The following USP3 variants were observed in gnomAD, a reference collection of about 807,000 sequenced individuals.
The protein encoded by USP3 is ubiquitin carboxyl-terminal hydrolase 3.
USP3 carries 20 observed loss-of-function variants against 72.3 expected under a neutral mutation model. That is an observed-to-expected ratio of 0.28 (90% CI 0.19 to 0.40). The LOEUF (loss-of-function observed/expected upper bound fraction) is 0.40. Ranked by LOEUF, USP3 falls within the 10% of genes least tolerant of loss-of-function variation. USP3 has a pLI of 1.00. For synonymous variants in USP3, 222 were observed against 225.3 expected, an observed-to-expected ratio of 0.99 and a Z score of 0.13; for missense variants, 479 against 633.9, an observed-to-expected ratio of 0.76 and a Z score of 2.62.
Position 63,544,868 on chromosome 15 carries a change from A to G in USP3, c.284+7712A>G, listed in dbSNP as rs1007555564. On this transcript the variant is annotated intron_variant, in intron 3 of 14. Transcript: ENST00000380324. The surrounding 1 kb of genome is among the most constrained non-coding windows in gnomAD (Gnocchi z 4.2). ...AAGGCTGACATTGTGGGGACCATCA[A>G]ATACTATACTTAGTTCAGTTACAGA... The G allele has an allele frequency of 2.2e-5, 13 of 595,694 alleles. No individual in the cohort carries two copies. Among genetic ancestry groups the G allele is most frequent in the Non-Finnish European group, 3.3e-5 (11 of 335,670 alleles). 36.9% of individuals were successfully genotyped at this position (595,694 alleles called of 1,614,324 possible).
intron 1 of USP3, among the ~76,000 whole-genome samples, chr15:63,517,889 C>G (rs1248772543): frequency 6.6e-6 from 1 of 152,192 alleles, no homozygotes; most frequent in African/African-American, 2.4e-5. Flanking sequence ...TAACTTCTTT[C>G]TCACTTACAA....
rs2067187840 is a variant in USP3 at position 63,590,983 on chromosome 15, A to G, written c.*157A>G. The G allele has an allele frequency of 1.1e-6, 1 of 870,690 alleles. No homozygotes were observed. The highest frequency in any genetic ancestry group is 1.7e-5 in the African/African-American group (1 of 57,198). The allele number at this position is 870,690 out of a possible 1,614,324, so 53.9% of individuals were successfully genotyped here. On this transcript the variant is annotated 3_prime_UTR_variant, in exon 15 of 15. Coordinates refer to ENST00000380324, the MANE Select transcript of USP3 (RefSeq NM_006537.4). The stretch of plus-strand genomic sequence containing the variant: ...TAGTGACTTACTGAACATGGGCACC[A>G]ACTAATTTTGTTGTTGTTCTACCAG...
rs932147698 is a variant in USP3 at position 63,587,968 on chromosome 15, T to C, written c.1097-337T>C. On this transcript the variant is annotated intron_variant, in intron 11 of 14. Coordinates refer to ENST00000380324, the MANE Select transcript of USP3 (RefSeq NM_006537.4). ...GAGCTTTGTCCTGTATAATGTAACA[T>C]ATTGACAGAAAACTACAATTGAAAC... 3.3e-5 allele frequency: 6 copies of C among 184,372 alleles called. No homozygotes were observed. In the South Asian group the frequency reaches 7.9e-4, roughly 24 times the overall value. 11.4% of individuals were successfully genotyped at this position (184,372 alleles called of 1,614,324 possible). A position where few individuals can be genotyped will look rare whatever the true frequency, so the allele number is the denominator to read the frequency against.
intron 11 of USP3, among the ~76,000 whole-genome samples, chr15:63,575,404 G>C (rs760176619): frequency 2.0e-4 from 30 of 152,168 alleles, no homozygotes; most frequent in Non-Finnish European, 4.1e-4. Context: ...GCTTCTCTGT[G>C]CTACTGGCAT....
chr15:63,577,621 G>A (rs1189517186), intron 11 of USP3, among the ~76,000 whole-genome samples: 1 of 152,110 alleles, frequency 6.6e-6, no homozygotes, highest in African/African-American at 2.4e-5. Flanking sequence ...GCATGGTGGG[G>A]AGTACCTGTA....
chr15:63,510,245 C>T (rs75209876), intron 1 of USP3, among the ~76,000 whole-genome samples: 1,848 of 152,232 alleles, frequency 0.012, 35 homozygotes, highest in African/African-American at 0.042. Context: ...CTCAGTGAGT[C>T]ATTTAAATTC....
chr15:63,572,376 GT>G (rs576459499), intron 9 of USP3, among the ~76,000 whole-genome samples: 91 of 150,740 alleles, frequency 6.0e-4, no homozygotes, highest in South Asian at 5.0e-3. Context: ...TTTCAGCAGG[GT>G]TTTGTTTTTT....
chr15:63,527,921 T>C (rs139567022), intron 1 of USP3: 66 of 152,376 alleles, frequency 4.3e-4, no homozygotes, highest in African/African-American at 1.5e-3. Flanking sequence ...GAGACATGTT[T>C]TAGAGGCTGG....
chr15:63,513,160 T>C (rs1399823123), intron 1 of USP3, among the ~76,000 whole-genome samples: 1 of 152,202 alleles, frequency 6.6e-6, no homozygotes, highest in African/African-American at 2.4e-5. Flanking sequence ...AAGACAGCCT[T>C]CTTTGTAGAA....
chr15:63,515,064 C>T (rs1439865729), intron 1 of USP3, among the ~76,000 whole-genome samples: 1 of 152,108 alleles, frequency 6.6e-6, no homozygotes, highest in Non-Finnish European at 1.5e-5. Flanking sequence ...TCTGGTCTTC[C>T]AAAGGCAAAA....
rs1039601980 is a variant in USP3, at chr15:63,560,058, C to T, written c.647+88C>T. On this transcript the variant is annotated intron_variant, in intron 7 of 14. Transcript: ENST00000380324. ...GTTTCCATTGTACTAAGTGAGCTAA[C>T]AGGCACATGCCTTAAAAAAAATCTT... is the stretch of plus-strand genomic sequence containing the variant. 9.5e-5 allele frequency: 97 copies of T among 1,020,652 alleles called. No individual in the cohort carries two copies. In the African/African-American group the frequency reaches 1.5e-3, roughly 16 times the overall value. 63.2% of individuals were successfully genotyped at this position (1,020,652 alleles called of 1,614,324 possible).
In USP3 at chr15:63,563,335, C is replaced by T. The variant is rs536954246; in HGVS notation, c.761+327C>T. On this transcript the variant is annotated intron_variant, in intron 8 of 14. Transcript: ENST00000380324. Reference sequence around the variant, plus strand: ...ATTCTTTCACAATGTAGAATAATTACCATCACACACTGTCTTGTTATTCCA... The same window carrying T: ...ATTCTTTCACAATGTAGAATAATTATCATCACACACTGTCTTGTTATTCCA... 5.3e-5 allele frequency among the ~76,000 whole-genome samples: 8 copies of T among 152,266 alleles called. No homozygotes were observed. In the South Asian group the frequency reaches 1.0e-3, roughly 20 times the overall value.
intron 7 of USP3, among the ~76,000 whole-genome samples, chr15:63,561,542 A>G (rs545697268): frequency 6.6e-6 from 1 of 152,198 alleles, no homozygotes; most frequent in Admixed American, 6.5e-5. Flanking sequence ...GCTGCCCTGC[A>G]CTCCGGATGG....
intron 1 of USP3, chr15:63,527,878 G>A (rs928748047): frequency 1.3e-5 from 2 of 152,258 alleles, no homozygotes; most frequent in East Asian, 3.8e-4. Flanking sequence ...AGAGTTAAAT[G>A]TTTAAGTGGT....
At chr15:63,540,455 C>T (rs796153201) in intron 3 of USP3, among the ~76,000 whole-genome samples, 63 of 152,266 alleles carry the variant, frequency 4.1e-4, no homozygotes, top group African/African-American at 1.4e-3. Flanking sequence ...AGGTGACATA[C>T]GTTTGAAAGA....
Position 63,581,574 on chromosome 15 carries a change from G to GTAT in USP3, c.1097-6731_1097-6730insTAT, listed in dbSNP as rs2066964283. Among the ~76,000 whole-genome samples, 2 of 130,320 alleles carry GTAT rather than the reference G, an allele frequency of 1.5e-5. 1 individual carries two copies. Among genetic ancestry groups the GTAT allele is most frequent in the Non-Finnish European group, 3.3e-5 (2 of 61,282 alleles). 85.5% of individuals were successfully genotyped at this position (130,320 alleles called of 152,430 possible). A position where few individuals can be genotyped will look rare whatever the true frequency, so the allele number is the denominator to read the frequency against. The stretch of plus-strand genomic sequence containing the variant: ...AATTTTTTTTTTTTTTTTTTTTTTG[G>GTAT]ATTTTTGGTATAGACAGGGTTTCAC... On this transcript the variant is annotated intron_variant, in intron 11 of 14. Transcript: ENST00000380324.
chr15:63,552,044 G>A (rs1013767923), intron 3 of USP3, among the ~76,000 whole-genome samples: 5 of 152,150 alleles, frequency 3.3e-5, no homozygotes, highest in Admixed American at 6.5e-5. Context: ...ACTTATTTGT[G>A]GCAGTTAGAG....
Position 63,504,618 on chromosome 15 carries a change from C to A in USP3, c.-122C>A. ...CTTTCTTTGACGCAAGGGCTCGAGACGCAGCCGCCGTCGGCCGAGCGCCCG... is the reference window on the plus strand; with the variant it reads ...CTTTCTTTGACGCAAGGGCTCGAGAAGCAGCCGCCGTCGGCCGAGCGCCCG... On this transcript the variant is annotated 5_prime_UTR_variant, in exon 1 of 15. Coordinates refer to ENST00000380324, the MANE Select transcript of USP3 (RefSeq NM_006537.4). 1 of 798,974 alleles carries A rather than the reference C, an allele frequency of 1.3e-6. No homozygotes were observed. The highest frequency in any genetic ancestry group is 1.8e-6 in the Non-Finnish European group (1 of 541,070). 49.5% of individuals were successfully genotyped at this position (798,974 alleles called of 1,614,324 possible). A position where few individuals can be genotyped will look rare whatever the true frequency, so the allele number is the denominator to read the frequency against.
At chr15:63,512,429 CTTCTTTCTTCCTTCTTT>C (rs2065803171) in intron 1 of USP3, among the ~76,000 whole-genome samples, 1 of 141,988 alleles carries the variant, frequency 7.0e-6, no homozygotes. Context: ...CTTTTTCTTT[CTTCTTTCTTCCTTCTTT>C]TTCTTTCTTC....
Sources: gnomAD v4.1 joint callset for allele counts (sites outside exome capture counted in the v4.1 genomes callset) on GRCh38, gnomAD v4.1.1 for gene constraint, Gnocchi (gnomAD v3.1) non-coding constraint, MANE v1.5 for transcripts, NCBI Gene and HGNC (gene_info 2026-07-23, HGNC 2026-07-21) for gene names.